The following LRMDA variants were observed in gnomAD, a reference collection of about 807,000 sequenced individuals.
LRMDA encodes leucine rich melanocyte differentiation associated.
Under a neutral mutation model 29.8 loss-of-function variants are expected in LRMDA, and 18 were observed. The observed-to-expected ratio is 0.60, with a 90% CI of 0.42 to 0.90. The LOEUF (loss-of-function observed/expected upper bound fraction) is 0.90, where lower values mean the gene tolerates loss of function less well. Among genes scored for constraint, LRMDA ranks in the 40% least tolerant of loss-of-function variants. The probability of loss-of-function intolerance (pLI) is 0.00; values close to 1 mark genes in which losing one functional copy is unlikely to be tolerated. For synonymous variants in LRMDA, 125 were observed against 109.4 expected, an observed-to-expected ratio of 1.14 and a Z score of -0.89; for missense variants, 273 against 273.9, an observed-to-expected ratio of 1.00 and a Z score of 0.02.
chr10:76,335,670 G>A (rs1383979336), intron 6 of LRMDA, among the ~76,000 whole-genome samples: 1 of 152,114 alleles, frequency 6.6e-6, no homozygotes, highest in African/African-American at 2.4e-5. Flanking sequence ...TAAGTGGGGG[G>A]AGCTTCCAGG....
intron 2 of LRMDA, among the ~76,000 whole-genome samples, chr10:75,492,847 T>G (rs752003147): frequency 6.6e-6 from 1 of 152,254 alleles, no homozygotes; most frequent in Admixed American, 6.5e-5. Context: ...GAAAATTGTT[T>G]CTGTCTTAAT....
chr10:76,024,251 T>C (rs1332668592), intron 2 of LRMDA, among the ~76,000 whole-genome samples: 21 of 152,188 alleles, frequency 1.4e-4, no homozygotes, highest in East Asian at 1.9e-4. Context: ...ACAGAGGAAA[T>C]AGCCTTGGTT....
At chr10:75,492,290 C>A (rs866837571) in intron 2 of LRMDA, among the ~76,000 whole-genome samples, 3 of 152,312 alleles carry the variant, frequency 2.0e-5, no homozygotes, top group Middle Eastern at 3.4e-3. Flanking sequence ...AATGAGCCTG[C>A]AACAGAAAGA....
intron 2 of LRMDA, among the ~76,000 whole-genome samples, chr10:75,859,183 G>A (rs1264230636): frequency 6.6e-6 from 1 of 152,120 alleles, no homozygotes; most frequent in African/African-American, 2.4e-5. Context: ...GCCTTATTAT[G>A]GGCCTTTTGT....
At chr10:75,974,753 C>T (rs1019427531) in intron 2 of LRMDA, among the ~76,000 whole-genome samples, 3 of 152,198 alleles carry the variant, frequency 2.0e-5, no homozygotes, top group Non-Finnish European at 4.4e-5. Context: ...ATGCTCCTAA[C>T]TGCCATCCTG....
intron 5 of LRMDA, among the ~76,000 whole-genome samples, chr10:76,143,555 T>C (rs1267755038): frequency 6.6e-6 from 1 of 152,138 alleles, no homozygotes; most frequent in Non-Finnish European, 1.5e-5. Context: ...TTTTTTCTTG[T>C]AAATTTGTTT....
At chr10:76,524,707 A>ATTACTTAATTACTT (rs1843156489) in intron 6 of LRMDA, among the ~76,000 whole-genome samples, 1 of 152,182 alleles carries the variant, frequency 6.6e-6, no homozygotes, top group African/African-American at 2.4e-5. Context: ...TTACTTTTCA[A>ATTACTTAATTACTT]GTCAATATTT....
chr10:76,008,128 C>G (rs1158811278), intron 2 of LRMDA, among the ~76,000 whole-genome samples: 2 of 152,162 alleles, frequency 1.3e-5, no homozygotes, highest in African/African-American at 4.8e-5. Flanking sequence ...CGGGGAGAAG[C>G]CTCTGGAAAA....
chr10:76,059,160 T>G (rs1427551365), intron 5 of LRMDA, among the ~76,000 whole-genome samples: 1 of 152,096 alleles, frequency 6.6e-6, no homozygotes, highest in African/African-American at 2.4e-5. Flanking sequence ...GAGGGGGACT[T>G]TCTTGTTTGC....
At position 76,204,684 on chromosome 10, in the gene LRMDA, A is replaced by C. The variant is rs148161918; in HGVS notation, c.517-119717A>C. 8.7e-3 allele frequency among the ~76,000 whole-genome samples: 1,322 copies of C among 152,350 alleles called. 25 individuals are homozygous for C. Among genetic ancestry groups the C allele is most frequent in the African/African-American group, 0.03 (1,254 of 41,574 alleles). Reference sequence around the variant, plus strand: ...ACACTTCTTTTGTGCCTCTTCTAAAATGTCCTAGAAAAGCCAGAACCTGAC... The same window carrying C: ...ACACTTCTTTTGTGCCTCTTCTAAACTGTCCTAGAAAAGCCAGAACCTGAC... On this transcript the variant is annotated intron_variant, in intron 5 of 6. Transcript: ENST00000611255.
In LRMDA at chr10:76,159,121, TA is replaced by T. The variant is rs200107225; in HGVS notation, c.516+100339del. On this transcript the variant is annotated intron_variant, in intron 5 of 6. Coordinates refer to ENST00000611255, the MANE Select transcript of LRMDA (RefSeq NM_001305581.2). ...ACTTTAAAAACTGATTCGTGTTCTT[TA>T]TTTTTTAATTTGGAAAAATATACCT... is the stretch of plus-strand genomic sequence containing the variant. Among the ~76,000 whole-genome samples the T allele has an allele frequency of 1.0e-3, 153 of 152,312 alleles. 3 individuals are homozygous for T. The East Asian group carries it at 0.027, about 27-fold the overall frequency.
intron 5 of LRMDA, among the ~76,000 whole-genome samples, chr10:76,298,061 G>A (rs929977299): frequency 6.6e-5 from 10 of 152,208 alleles, no homozygotes; most frequent in Non-Finnish European, 1.0e-4. Context: ...AGCTGCGTGC[G>A]AGCTGCTGGT....
At chr10:75,614,713 A>G (rs1162738542) in intron 2 of LRMDA, among the ~76,000 whole-genome samples, 1 of 152,086 alleles carries the variant, frequency 6.6e-6, no homozygotes, top group African/African-American at 2.4e-5. Flanking sequence ...CATGCACTGA[A>G]TAATAGCTGT....
intron 5 of LRMDA, among the ~76,000 whole-genome samples, chr10:76,092,988 A>T (rs1589323600): frequency 1.3e-5 from 2 of 152,302 alleles, no homozygotes; most frequent in South Asian, 2.1e-4. Context: ...CTCTCCCTGG[A>T]AAACATTACT....
intron 3 of LRMDA, among the ~76,000 whole-genome samples, chr10:76,042,076 C>T (rs1848350361): frequency 6.6e-6 from 1 of 152,126 alleles, no homozygotes; most frequent in African/African-American, 2.4e-5. Flanking sequence ...CAAAACCAGC[C>T]AACATAAGGC....
intron 2 of LRMDA, among the ~76,000 whole-genome samples, chr10:75,638,854 A>C (rs1841418541): frequency 6.6e-6 from 1 of 152,214 alleles, no homozygotes; most frequent in Non-Finnish European, 1.5e-5. Context: ...ATTATAAATC[A>C]AGAGTAGATG....
At chr10:75,639,086 A>G (rs932102355) in intron 2 of LRMDA, among the ~76,000 whole-genome samples, 2 of 152,218 alleles carry the variant, frequency 1.3e-5, no homozygotes, top group African/African-American at 4.8e-5. Context: ...TTAAGAAAGA[A>G]AAGGGAGGTA....
chr10:75,908,524 A>G (rs1462023358), intron 2 of LRMDA, among the ~76,000 whole-genome samples: 1 of 152,182 alleles, frequency 6.6e-6, no homozygotes, highest in African/African-American at 2.4e-5. Flanking sequence ...TTTGGGAGGA[A>G]GGGTTTAGGG....
chr10:76,193,392 A>C (rs971285366), intron 5 of LRMDA, among the ~76,000 whole-genome samples: 1 of 152,174 alleles, frequency 6.6e-6, no homozygotes, highest in Non-Finnish European at 1.5e-5. Flanking sequence ...GTGATTTCGG[A>C]AGTCCATGAC....
Sources: gnomAD v4.1 joint callset for allele counts (sites outside exome capture counted in the v4.1 genomes callset) on GRCh38, gnomAD v4.1.1 for gene constraint, MANE v1.5 for transcripts, NCBI Gene and HGNC (gene_info 2026-07-23, HGNC 2026-07-21) for gene names.